The following ANOS1 variants were observed in gnomAD, a reference collection of about 807,000 sequenced individuals.
The protein encoded by ANOS1 is anosmin 1.
In ANOS1, 6 loss-of-function variants were observed where a neutral mutation model predicts 59.0. The observed-to-expected ratio is 0.10, with a 90% confidence interval of 0.06 to 0.20. The LOEUF is 0.20. Among genes scored for constraint, ANOS1 ranks in the 10% least tolerant of loss-of-function variants. The probability of loss-of-function intolerance (pLI) is 1.00; values close to 1 mark genes in which losing one functional copy is unlikely to be tolerated. For missense variants in ANOS1, 433 were observed against 542.3 expected (o/e 0.80, Z 2.00); for synonymous variants, 217 against 223.4 (o/e 0.97, Z 0.25).
intron 2 of ANOS1, among the ~76,000 whole-genome samples, chrX:8,647,770 G>A (rs1199666657): frequency 8.9e-6 from 1 of 111,877 alleles, no homozygotes; most frequent in Non-Finnish European, 1.9e-5. Context: ...ATCTCCTTAA[G>A]AAAAGACCTG....
Position 8,587,992 on chromosome X carries a change from G to A in ANOS1, c.542-14C>T. 1.7e-6 allele frequency: 2 copies of A among 1,190,742 alleles called. No individual in the cohort carries two copies. Among genetic ancestry groups the A allele is most frequent in the Non-Finnish European group, 1.1e-6 (1 of 878,258 alleles). On this transcript the variant is annotated splice_polypyrimidine_tract_variant and intron_variant, in intron 4 of 13. Transcript: ENST00000262648. ...TCAGGGGGACACCTGAAACAGGACC[G>A]TATCAATTAAAACAATCTGCGTGTG...
intron 9 of ANOS1, among the ~76,000 whole-genome samples, chrX:8,545,787 C>A (rs900442568): frequency 8.9e-6 from 1 of 112,109 alleles, no homozygotes; most frequent in African/African-American, 3.2e-5. Context: ...ATTTTGCCCA[C>A]CATCACTTTT....
intron 3 of ANOS1, among the ~76,000 whole-genome samples, chrX:8,611,801 T>C (rs1339528107): frequency 8.9e-6 from 1 of 111,795 alleles, no homozygotes; most frequent in African/African-American, 3.2e-5. Context: ...GGTGAACTCA[T>C]AGCCAGCAAC....
chrX:8,544,822 T>C (rs1929741068), intron 9 of ANOS1, among the ~76,000 whole-genome samples: 1 of 109,655 alleles, frequency 9.1e-6, no homozygotes, highest in African/African-American at 3.3e-5. Context: ...ATCCCAGCAC[T>C]TTGGGAGGCT....
chrX:8,581,713 T>C (rs1337386675), intron 6 of ANOS1, among the ~76,000 whole-genome samples: 3 of 111,963 alleles, frequency 2.7e-5, no homozygotes, highest in Non-Finnish European at 5.6e-5. Context: ...TTTCTCAAGC[T>C]CATCAAATGT....
At chrX:8,699,029 T>C (rs996394284) in intron 2 of ANOS1, among the ~76,000 whole-genome samples, 1 of 111,667 alleles carries the variant, frequency 9.0e-6, no homozygotes, top group African/African-American at 3.2e-5. Flanking sequence ...CTCCAATGTT[T>C]TTAGCAAACT....
chrX:8,555,114 T>C (rs1929929335), intron 8 of ANOS1, among the ~76,000 whole-genome samples: 1 of 111,551 alleles, frequency 9.0e-6, no homozygotes, highest in Non-Finnish European at 1.9e-5. Flanking sequence ...CTGAACAATA[T>C]GCTCCTGAAT....
At chrX:8,647,328 A>G (rs1931778015) in intron 2 of ANOS1, among the ~76,000 whole-genome samples, 1 of 111,379 alleles carries the variant, frequency 9.0e-6, no homozygotes, top group African/African-American at 3.3e-5. Flanking sequence ...ATAAATAAGC[A>G]CGAAACCATC....
chrX:8,718,259 C>T (rs1003018533), intron 1 of ANOS1, among the ~76,000 whole-genome samples: 4 of 110,063 alleles, frequency 3.6e-5, no homozygotes, highest in African/African-American at 9.9e-5. Context: ...TGCAGTGGTG[C>T]CACTGGAGCT....
chrX:8,608,048 C>G (rs1293150369), intron 3 of ANOS1, among the ~76,000 whole-genome samples: 1 of 111,767 alleles, frequency 8.9e-6, no homozygotes, highest in African/African-American at 3.2e-5. Flanking sequence ...GAAACAAATA[C>G]AGCCTGTCCC....
At position 8,655,632 on chromosome X, in the gene ANOS1, T is replaced by C. The variant is rs35143976; in HGVS notation, c.256-31962A>G. Among the ~76,000 whole-genome samples the C allele has an allele frequency of 9.4e-3, 1,041 of 111,172 alleles. 3 individuals carry two copies. The highest frequency in any genetic ancestry group is 0.015 in the Non-Finnish European group (776 of 52,962). ...CCAAGACACTTGTCATCTGGCCCTT[T>C]AGAGAAATAATTTTCCAGCCCCTGG... On this transcript the variant is annotated intron_variant, in intron 2 of 13. Coordinates refer to ENST00000262648, the MANE Select transcript of ANOS1 (RefSeq NM_000216.4).
At position 8,582,483 on chromosome X, in the gene ANOS1, G is replaced by A. The variant is rs149979380; in HGVS notation, c.856+2784C>T. On this transcript the variant is annotated intron_variant, in intron 6 of 13. Coordinates refer to ENST00000262648, the MANE Select transcript of ANOS1 (RefSeq NM_000216.4). ...GGAGGGTAGTGATGAAGTCTAAGAGGAAGGAGAAAGGGGGGGTCAACTGGG... is the reference window on the plus strand; with the variant it reads ...GGAGGGTAGTGATGAAGTCTAAGAGAAAGGAGAAAGGGGGGGTCAACTGGG... Among the ~76,000 whole-genome samples the A allele has an allele frequency of 5.5e-3, 610 of 111,394 alleles. 6 individuals are homozygous for A. The highest frequency in any genetic ancestry group is 0.019 in the African/African-American group (590 of 30,669).
At position 8,649,187 on chromosome X, in the gene ANOS1, A is replaced by T. The variant is rs762510418; in HGVS notation, c.256-25517T>A. On this transcript the variant is annotated intron_variant, in intron 2 of 13. Transcript: ENST00000262648. ...GGTCCTGACCTCCAAGATGTTTCATAAATTATAAAGTCAAATCTATTGTCT... is the reference window on the plus strand; with the variant it reads ...GGTCCTGACCTCCAAGATGTTTCATTAATTATAAAGTCAAATCTATTGTCT... Among the ~76,000 whole-genome samples the T allele has an allele frequency of 2.7e-5, 3 of 112,013 alleles. No individual in the cohort carries two copies. The East Asian group carries it at 8.4e-4, about 31-fold the overall frequency.
At chrX:8,577,330 G>A (rs1421311239) in intron 6 of ANOS1, among the ~76,000 whole-genome samples, 1 of 111,624 alleles carries the variant, frequency 9.0e-6, no homozygotes, top group Non-Finnish European at 1.9e-5. Flanking sequence ...GTGAGAGGAT[G>A]GGAGGCACAC....
rs182210496 is a variant in ANOS1, at chrX:8,701,607, T to C, written c.208-1862A>G. 4.5e-3 allele frequency among the ~76,000 whole-genome samples: 502 copies of C among 112,468 alleles called. 1 individual carries two copies. Among genetic ancestry groups the C allele is most frequent in the Non-Finnish European group, 6.9e-3 (370 of 53,348 alleles). On this transcript the variant is annotated intron_variant, in intron 1 of 13. Coordinates refer to ENST00000262648, the MANE Select transcript of ANOS1 (RefSeq NM_000216.4). The stretch of plus-strand genomic sequence containing the variant: ...TCTGTCTTTATCTATTTGCCTATTC[T>C]GGACATTTTATATAAATGGAATCAT...
chrX:8,589,296 G>A (rs1930575151), intron 4 of ANOS1, among the ~76,000 whole-genome samples: 1 of 111,817 alleles, frequency 8.9e-6, no homozygotes, highest in Non-Finnish European at 1.9e-5. Context: ...TTACTGATGG[G>A]TCATGGCTGA....
chrX:8,600,980 G>C (rs952921554), intron 3 of ANOS1, among the ~76,000 whole-genome samples: 3 of 110,699 alleles, frequency 2.7e-5, no homozygotes, highest in Non-Finnish European at 5.7e-5. Flanking sequence ...CACGAGGTCA[G>C]GAGATCGAGA....
chrX:8,638,094 G>A (rs1931601770), intron 2 of ANOS1, among the ~76,000 whole-genome samples: 1 of 111,645 alleles, frequency 9.0e-6, no homozygotes, highest in African/African-American at 3.3e-5. Flanking sequence ...GTCACTTCTG[G>A]AGGCTGAGCC....
rs985332097 is a variant in ANOS1 at position 8,529,965 on chromosome X, G to A, written c.*3030C>T. 1.8e-5 allele frequency: 2 copies of A among 111,527 alleles called. No homozygotes were observed. The highest frequency in any genetic ancestry group is 6.5e-5 in the African/African-American group (2 of 30,660). 9.2% of individuals were successfully genotyped at this position (111,527 alleles called of 1,213,427 possible). On this transcript the variant is annotated 3_prime_UTR_variant, in exon 14 of 14. Transcript: ENST00000262648. The stretch of plus-strand genomic sequence containing the variant: ...TTGAGATGAACCTCTGTATACAGTC[G>A]GCTATGTATCTAAGGTTTTCAGGAC...
Sources: allele counts gnomAD v4.1 joint callset (sites outside exome capture counted in the v4.1 genomes callset), GRCh38; gene constraint gnomAD v4.1.1; transcripts MANE v1.5; gene names NCBI Gene and HGNC (gene_info 2026-07-23, HGNC 2026-07-21).